Variants in ASTN2 observed in about 807,000 individuals in gnomAD.
ASTN2 encodes astrotactin-2.
ASTN2 carries 54 observed loss-of-function variants against 139.8 expected under a neutral mutation model. The ratio of observed to expected loss-of-function variants is 0.39; its 90% CI spans 0.31 to 0.48. The LOEUF is 0.48. ASTN2 is among the 20% of genes least tolerant of loss of function. ASTN2 has a pLI of 0.95. For synonymous variants in ASTN2, 756 were observed against 719.5 expected (o/e 1.05, Z -0.81); for missense variants, 1,565 against 1,725.1 (o/e 0.91, Z 1.64).
chr9:116,561,278 C>T (rs1380404660), intron 19 of ASTN2, among the ~76,000 whole-genome samples: 1 of 152,134 alleles, frequency 6.6e-6, no homozygotes, highest in Non-Finnish European at 1.5e-5. Context: ...TGAACAATGG[C>T]TAGAACTTAA....
chr9:116,492,991 C>T (rs1393822396), intron 19 of ASTN2, among the ~76,000 whole-genome samples: 1 of 152,042 alleles, frequency 6.6e-6, no homozygotes, highest in African/African-American at 2.4e-5. Flanking sequence ...ACTAGCGGTC[C>T]ATGTTTTTAT....
intron 19 of ASTN2, among the ~76,000 whole-genome samples, chr9:116,511,201 T>C (rs565274996): frequency 3.3e-5 from 5 of 152,190 alleles, no homozygotes; most frequent in Non-Finnish European, 7.3e-5. Context: ...TATTGAGAGT[T>C]TTTAGCATGA....
rs142873568 is a variant in ASTN2 at position 116,808,326 on chromosome 9, G to A, written c.2208-2506C>T. ...GTGTGTGTTTGTGTTTGTGTATACA[G>A]AAACATTTCTTTGAATCTGTCGACT... On this transcript the variant is annotated intron_variant, in intron 12 of 22. Coordinates refer to ENST00000313400, the MANE Select transcript of ASTN2 (RefSeq NM_001365068.1). Among the ~76,000 whole-genome samples the A allele has an allele frequency of 5.2e-3, 788 of 150,828 alleles. 9 individuals carry two copies. The highest frequency in any genetic ancestry group is 0.018 in the African/African-American group (735 of 41,164).
At chr9:116,800,572 G>A (rs1830821128) in intron 13 of ASTN2, among the ~76,000 whole-genome samples, 1 of 152,112 alleles carries the variant, frequency 6.6e-6, no homozygotes, top group Non-Finnish European at 1.5e-5. Context: ...GTCTCCCCCT[G>A]TGGCACCTGG....
At chr9:117,084,885 T>C (rs1305651031) in intron 5 of ASTN2, among the ~76,000 whole-genome samples, 1 of 152,180 alleles carries the variant, frequency 6.6e-6, no homozygotes, top group African/African-American at 2.4e-5. Context: ...ATGAAATGGG[T>C]TGATTCTTGG....
chr9:116,736,369 TAG>T (rs1828925588), intron 13 of ASTN2, among the ~76,000 whole-genome samples: 1 of 152,210 alleles, frequency 6.6e-6, no homozygotes, highest in Admixed American at 6.5e-5. Context: ...ATGCCTGGCA[TAG>T]AGTCTTTGTT....
At chr9:116,917,405 C>G (rs1010794463) in intron 10 of ASTN2, among the ~76,000 whole-genome samples, 1 of 152,148 alleles carries the variant, frequency 6.6e-6, no homozygotes, top group Admixed American at 6.5e-5. Context: ...TTGAGCCCCC[C>G]GTTCCATGCA....
In ASTN2 at chr9:117,340,264, G is replaced by A. The variant is rs372564911; in HGVS notation, c.443-48751C>T. ...GGAGAATGGCTTGAACTGGGAAGGC[G>A]GAGGTTGTAGTGAGCCAAGATTGCG... On this transcript the variant is annotated intron_variant, in intron 1 of 22. Coordinates refer to ENST00000313400, the MANE Select transcript of ASTN2 (RefSeq NM_001365068.1). 1.4e-3 allele frequency among the ~76,000 whole-genome samples: 215 copies of A among 149,602 alleles called. 1 individual carries two copies. Among genetic ancestry groups the A allele is most frequent in the African/African-American group, 5.0e-3 (202 of 40,586 alleles).
chr9:116,659,228 AATAT>A (rs1858413812), intron 16 of ASTN2, among the ~76,000 whole-genome samples: 1 of 152,134 alleles, frequency 6.6e-6, no homozygotes, highest in Admixed American at 6.5e-5. Flanking sequence ...TTTCTCTCCA[AATAT>A]ACCATAAGTT....
chr9:117,225,535 G>GTATGTGTATATATATATA (rs369914209), intron 2 of ASTN2, among the ~76,000 whole-genome samples: 2 of 63,922 alleles, frequency 3.1e-5, no homozygotes, highest in African/African-American at 8.7e-5. Context: ...CAAGCTGTAT[G>GTATGTGTATATATATATA]TATATATATA....
At chr9:116,501,841 T>G (rs1849865828) in intron 19 of ASTN2, among the ~76,000 whole-genome samples, 1 of 150,822 alleles carries the variant, frequency 6.6e-6, no homozygotes, top group African/African-American at 2.5e-5. Flanking sequence ...ACCCTAAAAC[T>G]TAAAGTATAA....
At chr9:116,898,057 AAG>A (rs1472693444) in intron 10 of ASTN2, among the ~76,000 whole-genome samples, 3 of 152,138 alleles carry the variant, frequency 2.0e-5, no homozygotes, top group Non-Finnish European at 4.4e-5. Context: ...AACTTAAAAA[AAG>A]AGAGAAATGT....
At chr9:116,737,084 C>A (rs549888872) in intron 13 of ASTN2, among the ~76,000 whole-genome samples, 26 of 152,156 alleles carry the variant, frequency 1.7e-4, no homozygotes, top group Admixed American at 1.7e-3. Context: ...TGACAGTTAG[C>A]CAGCCAATAT....
intron 13 of ASTN2, among the ~76,000 whole-genome samples, chr9:116,788,189 T>C (rs1406739782): frequency 6.6e-6 from 1 of 151,986 alleles, no homozygotes; most frequent in Admixed American, 6.6e-5. Flanking sequence ...TGCGGGGAGA[T>C]GAAGAATAGG....
intron 1 of ASTN2, among the ~76,000 whole-genome samples, chr9:117,379,185 C>G (rs560231909): frequency 2.0e-5 from 3 of 152,112 alleles, no homozygotes; most frequent in Non-Finnish European, 4.4e-5. Context: ...TGAGGACAGA[C>G]TAATGCAGTC....
chr9:116,953,745 G>A (rs1835631982), intron 10 of ASTN2, among the ~76,000 whole-genome samples: 1 of 152,192 alleles, frequency 6.6e-6, no homozygotes, highest in African/African-American at 2.4e-5. Context: ...ATGGTTTAAA[G>A]CCTCAACAGT....
rs545297416 is a variant in ASTN2 at position 116,664,432 on chromosome 9, T to C, written c.2807-12639A>G. Among the ~76,000 whole-genome samples the C allele has an allele frequency of 1.4e-4, 21 of 148,008 alleles. No homozygotes were observed. The South Asian group carries it at 4.2e-3, about 30-fold the overall frequency. On this transcript the variant is annotated intron_variant, in intron 16 of 22. Coordinates refer to ENST00000313400, the MANE Select transcript of ASTN2 (RefSeq NM_001365068.1). ...TGTATAGAAATATATATAATATATA[T>C]ATATGTATATGTATATATGTATATA...
chr9:116,504,271 G>A lies in ASTN2; in HGVS notation c.3356-16771C>T, dbSNP rs528498375. On this transcript the variant is annotated intron_variant, in intron 19 of 22. Coordinates refer to ENST00000313400, the MANE Select transcript of ASTN2 (RefSeq NM_001365068.1). ...TCTACAATTGGAATGGTGAGCTTTG[G>A]AATGTGGTAGCATTGTGAGCAGCAA... The A allele has an allele frequency of 7.9e-5, 12 of 152,274 alleles. No homozygotes were observed. In the East Asian group the frequency reaches 2.3e-3, roughly 29 times the overall value. The allele number at this position is 152,274 out of a possible 1,614,324, so 9.4% of individuals were successfully genotyped here. A position where few individuals can be genotyped will look rare whatever the true frequency, so the allele number is the denominator to read the frequency against.
chr9:117,219,497 T>G (rs1407104105), intron 2 of ASTN2, among the ~76,000 whole-genome samples: 1 of 152,218 alleles, frequency 6.6e-6, no homozygotes, highest in East Asian at 1.9e-4. Flanking sequence ...GCTGAGACCC[T>G]GCTGGCCTCA....
Sources: gnomAD v4.1 joint callset for allele counts (sites outside exome capture counted in the v4.1 genomes callset) on GRCh38, gnomAD v4.1.1 for gene constraint, MANE v1.5 for transcripts, NCBI Gene and HGNC (gene_info 2026-07-23, HGNC 2026-07-21) for gene names.